RNF180: variants seen among roughly 807,000 people sequenced by gnomAD.
The protein encoded by RNF180 is ring finger protein 180, also known as E3 ubiquitin-protein ligase RNF180.
A neutral mutation model predicts 59.2 loss-of-function variants in RNF180; 38 were observed. That is an observed-to-expected ratio of 0.64 (90% confidence interval 0.50 to 0.84). The LOEUF is 0.84. Ranked by LOEUF, RNF180 falls within the 40% of genes least tolerant of loss-of-function variation. The pLI is 0.00. For missense variants in RNF180, 705 were observed against 700.9 expected (o/e 1.01, Z -0.07); for synonymous variants, 262 against 240.3 (o/e 1.09, Z -0.84).
chr5:64,335,765 A>G (rs1260480994), intron 7 of RNF180, among the ~76,000 whole-genome samples: 2 of 152,090 alleles, frequency 1.3e-5, no homozygotes, highest in African/African-American at 4.8e-5. Context: ...GCTCTTCCAT[A>G]TAAATTTTTA....
intron 5 of RNF180, among the ~76,000 whole-genome samples, chr5:64,317,196 T>C (rs566581631): frequency 6.6e-6 from 1 of 152,228 alleles, no homozygotes; most frequent in East Asian, 1.9e-4. Context: ...CTCAGAGCTA[T>C]TGGTTTGGTT....
At chr5:64,312,764 T>C (rs1743836972) in intron 5 of RNF180, among the ~76,000 whole-genome samples, 1 of 152,118 alleles carries the variant, frequency 6.6e-6, no homozygotes, top group South Asian at 2.1e-4. Context: ...TAGACGTGGT[T>C]GCATGTGTGT....
chr5:64,182,358 C>T (rs1364886829), intron 1 of RNF180, among the ~76,000 whole-genome samples: 2 of 152,112 alleles, frequency 1.3e-5, no homozygotes, highest in African/African-American at 4.8e-5. Context: ...AGGATCTTCA[C>T]TAATCACCAT....
At chr5:64,165,635 C>A (rs573459268), upstream of RNF180, among the ~76,000 whole-genome samples, 1 of 152,194 alleles carries the variant, frequency 6.6e-6, no homozygotes, top group Non-Finnish European at 1.5e-5. Flanking sequence ...TTCCGTCTGG[C>A]CCGCGGCGCT....
intron 5 of RNF180, among the ~76,000 whole-genome samples, chr5:64,243,155 G>T (rs554939651): frequency 1.1e-4 from 16 of 152,284 alleles, no homozygotes; most frequent in African/African-American, 3.6e-4. Flanking sequence ...GCACAAAACT[G>T]GGTGGCCATT....
intron 5 of RNF180, among the ~76,000 whole-genome samples, chr5:64,261,922 G>C (rs1283099463): frequency 6.6e-6 from 1 of 152,150 alleles, no homozygotes; most frequent in Non-Finnish European, 1.5e-5. Flanking sequence ...ATTGGATTCT[G>C]TTGGCATGGG....
At position 64,243,566 on chromosome 5, in the gene RNF180, A is replaced by G. The variant is rs185564115; in HGVS notation, c.1227+26170A>G. On this transcript the variant is annotated intron_variant, in intron 5 of 7. Coordinates refer to ENST00000389100, the MANE Select transcript of RNF180 (RefSeq NM_001113561.2). The stretch of plus-strand genomic sequence containing the variant: ...TCTCACTGGACAGGGCATCTCTGAA[A>G]GAAAGGCAGCAGCCCCAGTCATGGG... Among the ~76,000 whole-genome samples the G allele has an allele frequency of 4.6e-5, 7 of 152,308 alleles. No individual in the cohort carries two copies. In the East Asian group the frequency reaches 1.4e-3, roughly 29 times the overall value.
chr5:64,291,629 G>C (rs6883459), intron 5 of RNF180, among the ~76,000 whole-genome samples: 1 of 151,402 alleles, frequency 6.6e-6, no homozygotes, highest in South Asian at 2.1e-4. Flanking sequence ...GGGTTTCACC[G>C]TGTTAGCCAG....
chr5:64,185,976 A>G (rs1750852189), intron 1 of RNF180, among the ~76,000 whole-genome samples: 2 of 152,226 alleles, frequency 1.3e-5, no homozygotes, highest in Admixed American at 1.3e-4. Flanking sequence ...TGGGATAAGT[A>G]AGTAAACAAG....
chr5:64,286,541 G>A (rs997356823), intron 5 of RNF180, among the ~76,000 whole-genome samples: 2 of 152,030 alleles, frequency 1.3e-5, no homozygotes, highest in Non-Finnish European at 2.9e-5. Context: ...AAGCAGTATT[G>A]GACCTGAAAA....
At chr5:64,315,752 AAAG>A (rs1464011406) in intron 5 of RNF180, among the ~76,000 whole-genome samples, 4 of 151,990 alleles carry the variant, frequency 2.6e-5, no homozygotes, top group African/African-American at 7.2e-5. Flanking sequence ...AAAAAAAAAA[AAAG>A]ATTTTTTACT....
intron 5 of RNF180, among the ~76,000 whole-genome samples, chr5:64,241,054 A>T (rs1460163941): frequency 6.6e-6 from 1 of 152,246 alleles, no homozygotes; most frequent in Non-Finnish European, 1.5e-5. Context: ...TATTAAGTAT[A>T]TATAAATGAG....
chr5:64,277,475 G>T (rs981437853), intron 5 of RNF180, among the ~76,000 whole-genome samples: 1 of 152,136 alleles, frequency 6.6e-6, no homozygotes, highest in African/African-American at 2.4e-5. Flanking sequence ...CCAAGGAAAG[G>T]TATGAGAGGA....
chr5:64,214,051 T>C lies in RNF180; in HGVS notation c.725T>C (p.Leu242Ser). 6.2e-7 allele frequency: 1 copy of C among 1,614,138 alleles called. No individual in the cohort carries two copies. The highest frequency in any genetic ancestry group is 8.5e-7 in the Non-Finnish European group (1 of 1,179,990). ...AACATCAGTGAGAAACTGACTTTAT[T>C]ACCCACTTTATATGAAATACATAGT... Reference protein sequence around the residue: ...DLNISEKLTLLPTLYEIHSKT... With the variant: ...DLNISEKLTLSPTLYEIHSKT... Residue 242 changes from leucine to serine, a missense_variant, in exon 4 of 8, where the codon TTA becomes TCA. Physicochemically the swap from Leu to Ser is moderately radical, Grantham distance 145 (BLOSUM62 -2). Coordinates refer to ENST00000389100, the MANE Select transcript of RNF180 (RefSeq NM_001113561.2).
intron 5 of RNF180, among the ~76,000 whole-genome samples, chr5:64,265,355 T>G (rs1187107085): frequency 1.3e-5 from 2 of 152,176 alleles, no homozygotes; most frequent in African/African-American, 2.4e-5. Context: ...TTTTTATGGT[T>G]TTCAGTCTTA....
At chr5:64,204,727 A>AG (rs1751929057) in intron 2 of RNF180, among the ~76,000 whole-genome samples, 1 of 152,142 alleles carries the variant, frequency 6.6e-6, no homozygotes, top group African/African-American at 2.4e-5. Context: ...AAGAAAATCT[A>AG]TATTGTGAGG....
At chr5:64,215,072 G>A (rs566045582) in intron 4 of RNF180, among the ~76,000 whole-genome samples, 15 of 152,098 alleles carry the variant, frequency 9.9e-5, no homozygotes, top group African/African-American at 2.2e-4. Context: ...TTGTAATTTC[G>A]TAGGAGACTA....
intron 5 of RNF180, among the ~76,000 whole-genome samples, chr5:64,321,452 C>T (rs981943718): frequency 6.6e-5 from 10 of 152,066 alleles, no homozygotes; most frequent in African/African-American, 2.2e-4. Context: ...CCTAGGAATA[C>T]AGCTAACAAG....
At chr5:64,355,737 A>G (rs1745992719) in intron 7 of RNF180, among the ~76,000 whole-genome samples, 1 of 151,964 alleles carries the variant, frequency 6.6e-6, no homozygotes, top group Non-Finnish European at 1.5e-5. Context: ...AAATAAATTC[A>G]TATATCTATG....
Sources: allele counts gnomAD v4.1 joint callset (sites outside exome capture counted in the v4.1 genomes callset), GRCh38; gene constraint gnomAD v4.1.1; transcripts MANE v1.5; gene names NCBI Gene and HGNC (gene_info 2026-07-23, HGNC 2026-07-21).